The following LRCH2 variants were observed in gnomAD, a reference collection of about 807,000 sequenced individuals.
The protein encoded by LRCH2 is leucine rich repeats and calponin homology domain containing 2.
Under a neutral mutation model 68.9 loss-of-function variants are expected in LRCH2, and 38 were observed. The ratio of observed to expected loss-of-function variants is 0.55; its 90% CI spans 0.43 to 0.72. The LOEUF is 0.72. Among genes scored for constraint, LRCH2 ranks in the 30% least tolerant of loss-of-function variants. The pLI, the probability that LRCH2 is intolerant of heterozygous loss-of-function variation, is 0.00. For synonymous variants in LRCH2, 191 were observed against 208.1 expected (o/e 0.92, Z 0.71); for missense variants, 528 against 572.9 (o/e 0.92, Z 0.80).
chrX:115,116,925 T>C (rs2072088035), intron 20 of LRCH2, among the ~76,000 whole-genome samples: 1 of 110,932 alleles, frequency 9.0e-6, no homozygotes, highest in African/African-American at 3.3e-5. Context: ...AAAAATAAAT[T>C]GTACTTCAAT....
intron 5 of LRCH2, among the ~76,000 whole-genome samples, chrX:115,174,601 C>CA (rs1491414103): frequency 0.018 from 1,168 of 66,560 alleles, 21 homozygotes; most frequent in African/African-American, 0.044. Flanking sequence ...ACCCCCCCCC[C>CA]CACACACACA....
chrX:115,149,860 CCTCCTT>C lies in LRCH2; in HGVS notation c.1656_1661del (p.Arg554_Arg555del), dbSNP rs1320033926. 9.2e-6 allele frequency: 11 copies of C among 1,198,675 alleles called. No homozygotes were observed. Among genetic ancestry groups the C allele is most frequent in the Non-Finnish European group, 1.2e-5 (11 of 887,068 alleles). On this transcript the variant is annotated inframe_deletion, in exon 14 of 21. Transcript: ENST00000317135. ...ATTCTTTTCTAATCTGTTTGCTCCG[CCTCCTT>C]TCTTCACTCTGCCAGATTATAGGGT...
intron 2 of LRCH2, 149 bp from the exon 3 acceptor site, chrX:115,184,686 AGT>A: frequency 2.2e-6 from 1 of 462,438 alleles, no homozygotes; most frequent in Non-Finnish European, 3.4e-6. Context: ...TATCAGGCAC[AGT>A]GTTAAATTTC....
intron 2 of LRCH2, among the ~76,000 whole-genome samples, chrX:115,187,117 C>T (rs1315903301): frequency 8.9e-6 from 1 of 111,932 alleles, no homozygotes; most frequent in Non-Finnish European, 1.9e-5. Flanking sequence ...CGCACCCAGC[C>T]AGGAAACTTC....
At chrX:115,117,001 T>G (rs782286846) in intron 20 of LRCH2, among the ~76,000 whole-genome samples, 1 of 111,511 alleles carries the variant, frequency 9.0e-6, no homozygotes, top group Non-Finnish European at 1.9e-5. Flanking sequence ...AAGATTTGGA[T>G]GCAATATTTA....
At chrX:115,138,132 T>C (rs1417142020) in intron 14 of LRCH2, among the ~76,000 whole-genome samples, 2 of 102,611 alleles carry the variant, frequency 1.9e-5, no homozygotes, top group Non-Finnish European at 4.0e-5. Context: ...TTCCTCTCCC[T>C]AAGGCAGGTA....
chrX:115,126,005 C>T (rs1415084818), intron 16 of LRCH2, among the ~76,000 whole-genome samples: 1 of 110,355 alleles, frequency 9.1e-6, no homozygotes, highest in Non-Finnish European at 1.9e-5. Flanking sequence ...AAAAAAGCAA[C>T]ACCACCTACA....
rs782666019 is a variant in LRCH2 at position 115,119,914 on chromosome X, T to TG, written c.2178+2612dup. Among the ~76,000 whole-genome samples the TG allele has an allele frequency of 5.4e-3, 595 of 110,890 alleles. 3 individuals carry two copies. The highest frequency in any genetic ancestry group is 0.011 in the South Asian group (29 of 2,595). Reference sequence around the variant, plus strand: ...TGACAGACCTGAGAAAAACAAGAAATGGGGAAAGGATTCCCTATTTAATAA... The same window carrying TG: ...TGACAGACCTGAGAAAAACAAGAAATGGGGGAAAGGATTCCCTATTTAATAA... On this transcript the variant is annotated intron_variant, in intron 20 of 20. Transcript: ENST00000317135.
intron 1 of LRCH2, among the ~76,000 whole-genome samples, chrX:115,203,420 A>G (rs1045035601): frequency 8.9e-6 from 1 of 112,307 alleles, no homozygotes; most frequent in Admixed American, 9.4e-5. Context: ...ACAGTCCCCA[A>G]ATGTCTTAAC....
chrX:115,164,830 T>C (rs1350215091), intron 10 of LRCH2, among the ~76,000 whole-genome samples: 1 of 111,190 alleles, frequency 9.0e-6, no homozygotes, highest in Non-Finnish European at 1.9e-5. Flanking sequence ...TCTTCTTTCC[T>C]TTCTGCATCT....
chrX:115,219,938 C>A (rs189855851), intron 1 of LRCH2, among the ~76,000 whole-genome samples: 18 of 111,486 alleles, frequency 1.6e-4, no homozygotes, highest in Admixed American at 9.5e-4. Context: ...ATCACCAAGG[C>A]ACCATGGCAG....
At chrX:115,205,967 T>TA (rs2072964058) in intron 1 of LRCH2, among the ~76,000 whole-genome samples, 1 of 108,894 alleles carries the variant, frequency 9.2e-6, no homozygotes, top group Non-Finnish European at 1.9e-5. Flanking sequence ...AAAAATGAAA[T>TA]AAAAAGGCAA....
chrX:115,232,640 T>C (rs2073160423), intron 1 of LRCH2, among the ~76,000 whole-genome samples: 1 of 111,979 alleles, frequency 8.9e-6, no homozygotes, highest in Non-Finnish European at 1.9e-5. Context: ...ATTTTACTAC[T>C]CCTCATTATG....
At position 115,112,987 on chromosome X, in the gene LRCH2, A is replaced by G. The variant is rs2072054135; in HGVS notation, c.*229T>C. 1.6e-5 allele frequency: 4 copies of G among 245,562 alleles called. No homozygotes were observed. Among genetic ancestry groups the G allele is most frequent in the Non-Finnish European group, 2.9e-5 (4 of 136,681 alleles). 20.2% of individuals were successfully genotyped at this position (245,562 alleles called of 1,213,427 possible). ...AAGATTATCAACTGACTTAGTAAAA[A>G]GAGAATTTGAGTTTATCAAATACTC... is the stretch of plus-strand genomic sequence containing the variant. On this transcript the variant is annotated 3_prime_UTR_variant, in exon 21 of 21. Coordinates refer to ENST00000317135, the MANE Select transcript of LRCH2 (RefSeq NM_020871.4).
chrX:115,231,555 G>T (rs1382889911), intron 1 of LRCH2, among the ~76,000 whole-genome samples: 1 of 111,609 alleles, frequency 9.0e-6, no homozygotes, highest in African/African-American at 3.3e-5. Flanking sequence ...TCTGATTTTT[G>T]AAATGTTCCC....
In LRCH2 at chrX:115,123,962, C is replaced by T; in HGVS notation, c.1832G>A (p.Gly611Asp). 9.0e-7 allele frequency: 1 copy of T among 1,114,302 alleles called. No individual in the cohort carries two copies. The highest frequency in any genetic ancestry group is 1.2e-6 in the Non-Finnish European group (1 of 840,612). 91.8% of individuals were successfully genotyped at this position (1,114,302 alleles called of 1,213,427 possible). ...CTATTTACCTGATCTAGGCTTCAAG[C>T]CAAAGGGACTGTGTGAAAAACCATC... ...RTDGFSHSPF[G>D]LKPRSAFSRS... Residue 611 changes from glycine to aspartate, a missense_variant, in exon 17 of 21, where the codon GGC (glycine) becomes GAC (aspartate). Physicochemically the swap from Gly to Asp is moderately conservative, Grantham distance 94 (BLOSUM62 -1). Transcript: ENST00000317135.
rs1226210007 is a variant in LRCH2, at chrX:115,233,839, G to A, written c.203C>T (p.Pro68Leu). ...QPFPNGPPWN[P>L]GSLQPQHTVR... ...GGTGTGCTGAGGCTGCAGGCTCCCCGGGTTCCACGGCGGCCCGTTGGGGAA... is the reference window on the plus strand; with the variant it reads ...GGTGTGCTGAGGCTGCAGGCTCCCCAGGTTCCACGGCGGCCCGTTGGGGAA... The change falls in exon 1 of 21, where the codon CCG (proline) becomes CTG (leucine). Residue 68 changes from proline (P) to leucine (L), a missense_variant. By Grantham distance (98) the Pro-to-Leu change is moderately conservative (BLOSUM62 -3). Transcript: ENST00000317135. 2.6e-6 allele frequency: 3 copies of A among 1,165,573 alleles called. No individual in the cohort carries two copies. In the Admixed American group the frequency reaches 7.8e-5, roughly 30 times the overall value.
At chrX:115,182,442 T>C (rs1299743399) in intron 3 of LRCH2, among the ~76,000 whole-genome samples, 1 of 111,777 alleles carries the variant, frequency 8.9e-6, no homozygotes, top group Non-Finnish European at 1.9e-5. Flanking sequence ...AGACTTTAAC[T>C]AAAAGGAACA....
chrX:115,157,985 A>G (rs1482821547), intron 11 of LRCH2, among the ~76,000 whole-genome samples: 2 of 111,589 alleles, frequency 1.8e-5, no homozygotes, highest in Admixed American at 9.5e-5. Flanking sequence ...TTGAGAATTC[A>G]CCTATGTAAA....
Sources: allele counts gnomAD v4.1 joint callset (sites outside exome capture counted in the v4.1 genomes callset), GRCh38; gene constraint gnomAD v4.1.1; transcripts MANE v1.5; gene names NCBI Gene and HGNC (gene_info 2026-07-23, HGNC 2026-07-21).